CCSER1: variants seen among roughly 807,000 people sequenced by gnomAD.
CCSER1 encodes the protein serine-rich coiled-coil domain-containing protein 1.
Under a neutral mutation model 82.0 loss-of-function variants are expected in CCSER1, and 41 were observed. The observed-to-expected ratio is 0.50, with a 90% CI of 0.39 to 0.65. The LOEUF (loss-of-function observed/expected upper bound fraction) is 0.65, where lower values mean the gene tolerates loss of function less well. Among genes scored for constraint, CCSER1 ranks in the 30% least tolerant of loss-of-function variants. The pLI is 0.00. For missense variants in CCSER1, 1,119 were observed against 1,064.2 expected, an observed-to-expected ratio of 1.05 and a Z score of -0.72; for synonymous variants, 414 against 383.9, an observed-to-expected ratio of 1.08 and a Z score of -0.92.
intron 5 of CCSER1, among the ~76,000 whole-genome samples, chr4:90,492,011 T>C (rs1375303856): frequency 6.6e-6 from 1 of 152,206 alleles, no homozygotes; most frequent in African/African-American, 2.4e-5. Flanking sequence ...GGCTTTGGTA[T>C]CCGGATGATG....
intron 10 of CCSER1, among the ~76,000 whole-genome samples, chr4:91,177,369 C>G (rs1050713767): frequency 3.3e-5 from 5 of 152,008 alleles, no homozygotes; most frequent in Non-Finnish European, 7.4e-5. Context: ...TTTTTCTGTT[C>G]ATTGGAATAG....
At chr4:91,583,004 T>C (rs538718124) in intron 10 of CCSER1, among the ~76,000 whole-genome samples, 72 of 151,530 alleles carry the variant, frequency 4.8e-4, no homozygotes, top group African/African-American at 1.5e-3. Flanking sequence ...AATCCCATAC[T>C]GTATATCGTT....
At chr4:90,316,859 C>G (rs146605300) in intron 3 of CCSER1, among the ~76,000 whole-genome samples, 1 of 152,020 alleles carries the variant, frequency 6.6e-6, no homozygotes, top group Admixed American at 6.5e-5. Context: ...CATCAAATGC[C>G]GAGAACAAAT....
chr4:90,859,778 T>C (rs1764860844), intron 8 of CCSER1, among the ~76,000 whole-genome samples: 1 of 151,790 alleles, frequency 6.6e-6, no homozygotes, highest in Admixed American at 6.6e-5. Flanking sequence ...AATCAAGATA[T>C]ATTTAAGGAC....
intron 7 of CCSER1, among the ~76,000 whole-genome samples, chr4:90,739,317 T>C (rs979063574): frequency 2.0e-5 from 3 of 152,314 alleles, no homozygotes; most frequent in East Asian, 1.9e-4. Context: ...CCCTATTCTA[T>C]TGTGGCTGTT....
intron 5 of CCSER1, among the ~76,000 whole-genome samples, chr4:90,617,256 C>T (rs1305445353): frequency 6.6e-6 from 1 of 151,846 alleles, no homozygotes; most frequent in Non-Finnish European, 1.5e-5. Flanking sequence ...GTTATCCTTT[C>T]TAAATGGGCA....
chr4:90,490,499 T>C (rs1447656987), intron 5 of CCSER1, among the ~76,000 whole-genome samples: 1 of 152,210 alleles, frequency 6.6e-6, no homozygotes, highest in Non-Finnish European at 1.5e-5. Context: ...GGTAGTTTCC[T>C]TTGCTGTGCA....
intron 5 of CCSER1, among the ~76,000 whole-genome samples, chr4:90,586,620 A>C (rs557620817): frequency 1.3e-5 from 2 of 152,338 alleles, no homozygotes; most frequent in South Asian, 4.1e-4. Flanking sequence ...TATGAACTAT[A>C]ACATTTGAGA....
intron 1 of CCSER1, among the ~76,000 whole-genome samples, chr4:90,245,357 T>C (rs528523144): frequency 2.6e-5 from 4 of 152,286 alleles, no homozygotes; most frequent in South Asian, 4.1e-4. Flanking sequence ...TGCTGTTCTT[T>C]TGTGGTGTAA....
chr4:90,358,859 T>C (rs1159874173), intron 3 of CCSER1, among the ~76,000 whole-genome samples: 1 of 152,202 alleles, frequency 6.6e-6, no homozygotes, highest in African/African-American at 2.4e-5. Context: ...TCAACAAATA[T>C]TCATTCATTA....
At chr4:91,298,400 G>A (rs1243168703) in intron 10 of CCSER1, among the ~76,000 whole-genome samples, 5 of 151,980 alleles carry the variant, frequency 3.3e-5, no homozygotes, top group African/African-American at 1.2e-4. Flanking sequence ...GTATGTGGGA[G>A]CCTATGTGTC....
chr4:90,438,774 T>TTCTACCTA (rs151254305), intron 4 of CCSER1, among the ~76,000 whole-genome samples: 3 of 150,228 alleles, frequency 2.0e-5, no homozygotes, highest in Non-Finnish European at 4.4e-5. Context: ...TTTTGATATC[T>TTCTACCTA]TCTATCTATC....
intron 4 of CCSER1, among the ~76,000 whole-genome samples, chr4:90,461,406 C>T (rs1371380953): frequency 6.6e-6 from 1 of 152,112 alleles, no homozygotes; most frequent in Non-Finnish European, 1.5e-5. Context: ...TCATGTTGCT[C>T]TTTGTTTAAT....
intron 8 of CCSER1, among the ~76,000 whole-genome samples, chr4:90,922,332 G>A (rs777386624): frequency 6.6e-6 from 1 of 151,998 alleles, no homozygotes; most frequent in Non-Finnish European, 1.5e-5. Flanking sequence ...AACAGGAAAG[G>A]AAGGGAGGTG....
intron 10 of CCSER1, among the ~76,000 whole-genome samples, chr4:91,553,595 CT>C (rs1762264634): frequency 6.6e-6 from 1 of 150,714 alleles, no homozygotes; most frequent in Non-Finnish European, 1.5e-5. Flanking sequence ...CTTCAGTCTC[CT>C]TACTTATTAT....
intron 9 of CCSER1, among the ~76,000 whole-genome samples, chr4:91,048,937 G>A (rs756365111): frequency 7.2e-5 from 11 of 151,926 alleles, no homozygotes; most frequent in Non-Finnish European, 4.4e-5. Context: ...GCATAACAAG[G>A]GATTAGATAA....
chr4:90,585,530 T>C (rs1381173234), intron 5 of CCSER1, among the ~76,000 whole-genome samples: 1 of 152,204 alleles, frequency 6.6e-6, no homozygotes, highest in East Asian at 1.9e-4. Context: ...TGCTTTCTTA[T>C]TCTTATAAAC....
chr4:90,648,315 A>AAGAAAGAAAGAAAGAAAG (rs1728067551), intron 6 of CCSER1, among the ~76,000 whole-genome samples: 1 of 151,370 alleles, frequency 6.6e-6, no homozygotes, highest in Non-Finnish European at 1.5e-5. Context: ...GAAAGAAAGA[A>AAGAAAGAAAGAAAGAAAG]AGAAAGAAAG....
At chr4:90,801,873 T>C (rs997917774) in intron 7 of CCSER1, among the ~76,000 whole-genome samples, 1 of 152,234 alleles carries the variant, frequency 6.6e-6, no homozygotes, top group African/African-American at 2.4e-5. Context: ...AGACTTAGAA[T>C]ATACAATCTA....
Sources: allele counts gnomAD v4.1 joint callset (sites outside exome capture counted in the v4.1 genomes callset), GRCh38; gene constraint gnomAD v4.1.1; transcripts MANE v1.5; gene names NCBI Gene and HGNC (gene_info 2026-07-23, HGNC 2026-07-21).